The following INPP5A variants were observed in gnomAD, a reference collection of about 807,000 sequenced individuals.
The protein encoded by INPP5A is inositol polyphosphate-5-phosphatase A, also known as 43 kDa inositol polyphosphate 5-phophatase.
A neutral mutation model predicts 65.2 loss-of-function variants in INPP5A; 14 were observed. That is an observed-to-expected ratio of 0.21 (90% CI 0.14 to 0.34). The LOEUF (loss-of-function observed/expected upper bound fraction) is 0.34, where lower values mean the gene tolerates loss of function less well. INPP5A is among the 10% of genes least tolerant of loss of function. The pLI, the probability that INPP5A is intolerant of heterozygous loss-of-function variation, is 1.00. For missense variants in INPP5A, 431 were observed against 545.6 expected (o/e 0.79, Z 2.09); for synonymous variants, 207 against 208.3 (o/e 0.99, Z 0.05).
At chr10:132,623,053 T>C (rs2072128958) in intron 2 of INPP5A, among the ~76,000 whole-genome samples, 1 of 152,264 alleles carries the variant, frequency 6.6e-6, no homozygotes, top group African/African-American at 2.4e-5. Flanking sequence ...TACGCTGACA[T>C]GTTAATTCCC....
At chr10:132,571,651 G>C (rs540466538) in intron 1 of INPP5A, among the ~76,000 whole-genome samples, 1 of 152,226 alleles carries the variant, frequency 6.6e-6, no homozygotes, top group Non-Finnish European at 1.5e-5. Flanking sequence ...CGTTTGTGCC[G>C]TAAGGACCCG....
Position 132,674,360 on chromosome 10 carries a change from G to T in INPP5A, c.307-16032G>T, listed in dbSNP as rs946208631. On this transcript the variant is annotated intron_variant, in intron 4 of 15. Coordinates refer to ENST00000368594, the MANE Select transcript of INPP5A (RefSeq NM_005539.5). The surrounding 1 kb of genome is among the most constrained non-coding windows in gnomAD (Gnocchi z 4.4). ...AAGCGGGTGCACTGCTTGAAGTTCT[G>T]CCCACTGGGAAGATTTCCCTTCACC... Among the ~76,000 whole-genome samples, 1 of 152,206 alleles carries T rather than the reference G, an allele frequency of 6.6e-6. No individual in the cohort carries two copies. Among genetic ancestry groups the T allele is most frequent in the Non-Finnish European group, 1.5e-5 (1 of 68,034 alleles).
intron 3 of INPP5A, among the ~76,000 whole-genome samples, chr10:132,647,600 G>A (rs535107154): frequency 6.6e-6 from 1 of 152,220 alleles, no homozygotes; most frequent in Non-Finnish European, 1.5e-5. Context: ...TGGGGCAGGT[G>A]GCATGACGCA....
intron 11 of INPP5A, among the ~76,000 whole-genome samples, chr10:132,760,943 G>C (rs1846722350): frequency 6.6e-6 from 1 of 152,234 alleles, no homozygotes; most frequent in Admixed American, 6.5e-5. Context: ...TTCAGAGAAA[G>C]AATTTGGCAT....
At position 132,741,938 on chromosome 10, in the gene INPP5A, C is replaced by T. The variant is rs1846280624; in HGVS notation, c.733-7579C>T. Among the ~76,000 whole-genome samples the T allele has an allele frequency of 6.6e-6, 1 of 152,190 alleles. No homozygotes were observed. The highest frequency in any genetic ancestry group is 2.4e-5 in the African/African-American group (1 of 41,430). Reference sequence around the variant, plus strand: ...CCGTCCTCTGCAGAAAGGATGCATACTTACAGAGAAGGCGCTCACTCCTGA... The same window carrying T: ...CCGTCCTCTGCAGAAAGGATGCATATTTACAGAGAAGGCGCTCACTCCTGA... On this transcript the variant is annotated intron_variant, in intron 9 of 15. Coordinates refer to ENST00000368594, the MANE Select transcript of INPP5A (RefSeq NM_005539.5). The surrounding 1 kb of genome is among the most constrained non-coding windows in gnomAD (Gnocchi z 4.4).
intron 9 of INPP5A, among the ~76,000 whole-genome samples, chr10:132,744,817 T>C (rs1846339619): frequency 6.6e-6 from 1 of 152,182 alleles, no homozygotes. Context: ...TGAGGCGACC[T>C]GCAGGGCTGA....
intron 1 of INPP5A, among the ~76,000 whole-genome samples, chr10:132,589,859 T>C (rs1000741837): frequency 2.0e-5 from 3 of 152,042 alleles, no homozygotes; most frequent in African/African-American, 7.2e-5. Context: ...GTGACGCAGG[T>C]TATCCCATGC....
chr10:132,628,959 T>C (rs1316554008), intron 2 of INPP5A, among the ~76,000 whole-genome samples: 2 of 152,258 alleles, frequency 1.3e-5, no homozygotes, highest in African/African-American at 2.4e-5. Flanking sequence ...TATACAGTTA[T>C]TAATGAGACA....
At chr10:132,722,282 AAAAAAT>A (rs990390999) in intron 8 of INPP5A, among the ~76,000 whole-genome samples, 39 of 152,094 alleles carry the variant, frequency 2.6e-4, no homozygotes, top group African/African-American at 8.9e-4. Context: ...TTCAGGGGTT[AAAAAAT>A]AAAAAAGGAA....
At chr10:132,779,592 C>T (rs899207681) in intron 13 of INPP5A, among the ~76,000 whole-genome samples, 51 of 152,366 alleles carry the variant, frequency 3.3e-4, no homozygotes, top group East Asian at 1.9e-4. Context: ...GGACTTGACA[C>T]TTTATGCTCA....
intron 4 of INPP5A, among the ~76,000 whole-genome samples, chr10:132,664,882 C>T (rs1301936650): frequency 6.6e-6 from 1 of 152,244 alleles, no homozygotes; most frequent in African/African-American, 2.4e-5. Context: ...TGCATCCCAC[C>T]TGTGCACGTA....
intron 1 of INPP5A, among the ~76,000 whole-genome samples, chr10:132,598,388 A>T (rs971032242): frequency 9.8e-5 from 15 of 152,326 alleles, no homozygotes; most frequent in African/African-American, 3.6e-4. Flanking sequence ...TGTCCTCGTT[A>T]AACACTGAGT....
rs901793723 is a variant in INPP5A at position 132,742,355 on chromosome 10, G to A, written c.733-7162G>A. On this transcript the variant is annotated intron_variant, in intron 9 of 15. Coordinates refer to ENST00000368594, the MANE Select transcript of INPP5A (RefSeq NM_005539.5). ...CACAGTGGCACCAGCTCTCAGAGGCGACACCACGCCTTGTCCTGAGCAGAG... is the reference window on the plus strand; with the variant it reads ...CACAGTGGCACCAGCTCTCAGAGGCAACACCACGCCTTGTCCTGAGCAGAG... Among the ~76,000 whole-genome samples, 15 of 152,246 alleles carry A rather than the reference G, an allele frequency of 9.9e-5. 1 individual carries two copies. Among genetic ancestry groups the A allele is most frequent in the Admixed American group, 5.2e-4 (8 of 15,290 alleles).
chr10:132,771,310 T>C (rs1447937399), intron 12 of INPP5A, among the ~76,000 whole-genome samples: 1 of 152,106 alleles, frequency 6.6e-6, no homozygotes, highest in African/African-American at 2.4e-5. Context: ...CCTGCTTCCC[T>C]CGTAAGTGAA....
At chr10:132,683,408 T>C (rs372513483) in intron 4 of INPP5A, among the ~76,000 whole-genome samples, 4 of 152,378 alleles carry the variant, frequency 2.6e-5, no homozygotes, top group East Asian at 3.9e-4. Context: ...TATTATCCTA[T>C]GTGGAGGGCA....
rs576088004 is a variant in INPP5A, at chr10:132,777,690, G to T, written c.997G>T (p.Ala333Ser). The T allele has an allele frequency of 6.2e-7, 1 of 1,612,708 alleles. No homozygotes were observed. Among genetic ancestry groups the T allele is most frequent in the Non-Finnish European group, 8.5e-7 (1 of 1,179,956 alleles). ...FPPSYPYSED[A>S]RQGEQYMNTR... is the part of the protein sequence containing the mutation. Reference sequence around the variant, plus strand: ...CCCCAGCTACCCGTACAGTGAGGACGCCCGCCAGGGTGAGCAGTACATGAA... The same window carrying T: ...CCCCAGCTACCCGTACAGTGAGGACTCCCGCCAGGGTGAGCAGTACATGAA... Residue 333 changes from alanine to serine, a missense_variant, in exon 13 of 16, where the codon GCC (alanine) becomes TCC (serine). Coordinates refer to ENST00000368594, the MANE Select transcript of INPP5A (RefSeq NM_005539.5).
At chr10:132,562,519 C>T (rs901495422) in intron 1 of INPP5A, among the ~76,000 whole-genome samples, 2 of 152,248 alleles carry the variant, frequency 1.3e-5, no homozygotes, top group African/African-American at 2.4e-5. Context: ...CCTGCACACC[C>T]GTCACACCTC....
chr10:132,752,670 G>GGGCGTGGAGGGGGTGC (rs1846515994), intron 11 of INPP5A, among the ~76,000 whole-genome samples: 1 of 133,038 alleles, frequency 7.5e-6, no homozygotes, highest in Admixed American at 7.4e-5. Flanking sequence ...GAGGGGCACG[G>GGGCGTGGAGGGGGTGC]GGCGTGGAGG....
At chr10:132,694,283 A>C (rs12414233) in intron 5 of INPP5A, among the ~76,000 whole-genome samples, 24,453 of 152,220 alleles carry the variant, frequency 0.16, 2,374 homozygotes, top group Admixed American at 0.27. Flanking sequence ...ATAACATATG[A>C]GTCAAAGAAG....
Sources: allele counts gnomAD v4.1 joint callset (sites outside exome capture counted in the v4.1 genomes callset), GRCh38; gene constraint gnomAD v4.1.1; non-coding constraint Gnocchi (gnomAD v3.1); transcripts MANE v1.5; gene names NCBI Gene and HGNC (gene_info 2026-07-23, HGNC 2026-07-21).